The following SLC17A7 variants were observed in gnomAD, a reference collection of about 807,000 sequenced individuals.
SLC17A7 encodes the protein solute carrier family 17 member 7.
In SLC17A7, 15 loss-of-function variants were observed where a neutral mutation model predicts 59.1. That is an observed-to-expected ratio of 0.25 (90% confidence interval 0.17 to 0.39). The LOEUF (loss-of-function observed/expected upper bound fraction) is 0.39. Ranked by LOEUF, SLC17A7 falls within the 10% of genes least tolerant of loss-of-function variation. SLC17A7 has a pLI of 1.00. For missense variants in SLC17A7, 499 were observed against 765.1 expected, an observed-to-expected ratio of 0.65 and a Z score of 4.10; for synonymous variants, 353 against 308.9, an observed-to-expected ratio of 1.14 and a Z score of -1.50.
Position 49,436,931 on chromosome 19 carries a change from A to G in SLC17A7, c.63-130T>C, listed in dbSNP as rs2078982129. 7.4e-7 allele frequency: 1 copy of G among 1,352,076 alleles called. No individual in the cohort carries two copies. The highest frequency in any genetic ancestry group is 9.9e-7 in the Non-Finnish European group (1 of 1,014,398). The allele number at this position is 1,352,076 out of a possible 1,614,324, so 83.8% of individuals were successfully genotyped here. Reference sequence around the variant, plus strand: ...TAAGCCCGCACCTCCTCCTTCACCAAGAGTCCAGGTCCCTGGCTCCCTTCG... The same window carrying G: ...TAAGCCCGCACCTCCTCCTTCACCAGGAGTCCAGGTCCCTGGCTCCCTTCG... On this transcript the variant is annotated intron_variant, in intron 1 of 11. Coordinates refer to ENST00000221485, the MANE Select transcript of SLC17A7 (RefSeq NM_020309.4). This position sits in a 1 kb window ranked among gnomAD's most constrained non-coding sequence, Gnocchi z 4.1.
chr19:49,432,019 G>A (rs1335636747), intron 9 of SLC17A7, among the ~76,000 whole-genome samples: 8 of 152,068 alleles, frequency 5.3e-5, no homozygotes, highest in African/African-American at 1.2e-4. Flanking sequence ...GTGCTGCGGC[G>A]CGATCATAGC....
intron 8 of SLC17A7, 62 bp from the exon 9 acceptor site, chr19:49,432,713 G>A (rs1193272155): frequency 3.7e-6 from 6 of 1,604,756 alleles, no homozygotes; most frequent in African/African-American, 2.7e-5. Context: ...GTCTCTGCCC[G>A]GTCCGTGCAC....
At chr19:49,439,920 C>T (rs2078993768) in intron 1 of SLC17A7, among the ~76,000 whole-genome samples, 2 of 152,102 alleles carry the variant, frequency 1.3e-5, no homozygotes, top group Admixed American at 6.5e-5. Flanking sequence ...CCCCCTCCAC[C>T]AGCACGTCTC....
Position 49,430,117 on chromosome 19 carries a change from G to T in SLC17A7, c.*402C>A. On this transcript the variant is annotated 3_prime_UTR_variant, in exon 12 of 12. Coordinates refer to ENST00000221485, the MANE Select transcript of SLC17A7 (RefSeq NM_020309.4). Reference sequence around the variant, plus strand: ...AGGAGGACCTTGAATTTTTCTGAAAGGAGATGGGAGCTGAGTGATCTCAAA... The same window carrying T: ...AGGAGGACCTTGAATTTTTCTGAAATGAGATGGGAGCTGAGTGATCTCAAA... 1 of 165,648 alleles carries T rather than the reference G, an allele frequency of 6.0e-6. No homozygotes were observed. Among genetic ancestry groups the T allele is most frequent in the East Asian group, 1.7e-4 (1 of 5,758 alleles). The allele number at this position is 165,648 out of a possible 1,614,324, so 10.3% of individuals were successfully genotyped here. A position where few individuals can be genotyped will look rare whatever the true frequency, so the allele number is the denominator to read the frequency against.
At chr19:49,435,078 C>G in intron 3 of SLC17A7, 90 bp downstream of exon 3, 1 of 1,122,634 alleles carries the variant, frequency 8.9e-7, no homozygotes, top group Non-Finnish European at 1.3e-6. Context: ...CTCCCATTTA[C>G]CAGAGCCAGC....
chr19:49,437,048 C>G, intron 1 of SLC17A7: 1 of 587,716 alleles, frequency 1.7e-6, no homozygotes, highest in Non-Finnish European at 3.0e-6. Context: ...TTCAGTCCCC[C>G]TCTCCCAGCT....
Position 49,441,488 on chromosome 19 carries a change from C to CGGCCCCGCA in SLC17A7, c.-118_-110dup. The CGGCCCCGCA allele has an allele frequency of 9.2e-7, 1 of 1,088,680 alleles. No homozygotes were observed. The highest frequency in any genetic ancestry group is 1.1e-6 in the Non-Finnish European group (1 of 899,574). 67.4% of individuals were successfully genotyped at this position (1,088,680 alleles called of 1,614,324 possible). A position where few individuals can be genotyped will look rare whatever the true frequency, so the allele number is the denominator to read the frequency against. ...TCCCGGGGTCCAGCCCCGGCCCGGC[C>CGGCCCCGCA]GGCCCCGCAGCTCCGCTCGGGGGGA... is the stretch of plus-strand genomic sequence containing the variant. On this transcript the variant is annotated 5_prime_UTR_variant, in exon 1 of 12. Transcript: ENST00000221485.
chr19:49,433,894 A>C lies in SLC17A7; in HGVS notation c.725-26T>G, dbSNP rs776836687. The C allele has an allele frequency of 1.9e-6, 3 of 1,612,042 alleles. No individual in the cohort carries two copies. Among genetic ancestry groups the C allele is most frequent in the Non-Finnish European group, 2.5e-6 (3 of 1,178,810 alleles). On this transcript the variant is annotated intron_variant, in intron 6 of 11. Transcript: ENST00000221485. The surrounding 1 kb of genome is among the most constrained non-coding windows in gnomAD (Gnocchi z 5.7). ...CTGGGGGGGTCAGGAGGGGGATGGG[A>C]GCGAGGTGAGGACCGGCCCCGCTCC... is the stretch of plus-strand genomic sequence containing the variant.
At chr19:49,440,953 G>A (rs2078997730) in intron 1 of SLC17A7, among the ~76,000 whole-genome samples, 1 of 151,556 alleles carries the variant, frequency 6.6e-6, no homozygotes, top group Admixed American at 6.6e-5. Context: ...CAGAGAGAAG[G>A]GAGCCGAGAT....
In SLC17A7 at chr19:49,430,010, C is replaced by A; in HGVS notation, c.*509G>T. The A allele has an allele frequency of 6.0e-6, 1 of 166,576 alleles. No individual in the cohort carries two copies. Among genetic ancestry groups the A allele is most frequent in the Non-Finnish European group, 1.3e-5 (1 of 77,628 alleles). The allele number at this position is 166,576 out of a possible 1,614,324, so 10.3% of individuals were successfully genotyped here. On this transcript the variant is annotated 3_prime_UTR_variant, in exon 12 of 12. Coordinates refer to ENST00000221485, the MANE Select transcript of SLC17A7 (RefSeq NM_020309.4). The stretch of plus-strand genomic sequence containing the variant: ...ATCAGAAACGCTGGTGAGAATCAAT[C>A]CCTGGAATGGCGGGGACGAGTAATT...
At chr19:49,437,759 G>A (rs2078985215) in intron 1 of SLC17A7, 3 of 152,004 alleles carry the variant, frequency 2.0e-5, no homozygotes, top group Non-Finnish European at 2.9e-5. Context: ...GAGATACAGG[G>A]GGACAGAGAC....
chr19:49,432,680 G>A lies in SLC17A7; in HGVS notation c.1018-29C>T. 2.5e-6 allele frequency: 4 copies of A among 1,606,332 alleles called. No homozygotes were observed. The South Asian group carries it at 4.4e-5, about 18-fold the overall frequency. On this transcript the variant is annotated intron_variant, in intron 8 of 11. Transcript: ENST00000221485. ...CGGGAACAGGTGTACAGGGACACTA[G>A]GGTTCGGGGCCGCCGGCTCGGCGTC...
Position 49,436,491 on chromosome 19 carries a change from C to T in SLC17A7, c.315+58G>A, listed in dbSNP as rs1161214488. 2 of 1,583,160 alleles carry T rather than the reference C, an allele frequency of 1.3e-6. No homozygotes were observed. Among genetic ancestry groups the T allele is most frequent in the African/African-American group, 1.3e-5 (1 of 74,708 alleles). Reference sequence around the variant, plus strand: ...GTGGGTGAGTGTGACGTCATGGGGGCGTAGGCGGAGCTCGGTGAGCGGGGC... The same window carrying T: ...GTGGGTGAGTGTGACGTCATGGGGGTGTAGGCGGAGCTCGGTGAGCGGGGC... On this transcript the variant is annotated intron_variant, in intron 2 of 11. Coordinates refer to ENST00000221485, the MANE Select transcript of SLC17A7 (RefSeq NM_020309.4). This position sits in a 1 kb window ranked among gnomAD's most constrained non-coding sequence, Gnocchi z 4.1.
chr19:49,435,752 G>A (rs1356878396), intron 2 of SLC17A7: 1 of 156,708 alleles, frequency 6.4e-6, no homozygotes, highest in Non-Finnish European at 1.4e-5. Flanking sequence ...CAGGGGCAAG[G>A]CCTATGCTGA....
chr19:49,430,983 G>A lies in SLC17A7; in HGVS notation c.1389+32C>T, dbSNP rs1413752309. 1.9e-6 allele frequency: 3 copies of A among 1,588,728 alleles called. No homozygotes were observed. The South Asian group carries it at 3.4e-5, about 18-fold the overall frequency. On this transcript the variant is annotated intron_variant, in intron 11 of 11. Transcript: ENST00000221485. ...CAGTTAGGTACGAAGCACACACTTG[G>A]AGGCAGACTGAGTCAGGACTGCGGC...
intron 1 of SLC17A7, 87 bp downstream of exon 1, chr19:49,441,231 C>T (rs1384486177): frequency 3.4e-5 from 52 of 1,546,496 alleles, no homozygotes; most frequent in Non-Finnish European, 3.9e-5. Context: ...GGGTATCGCC[C>T]GTTCATCTGT....
At position 49,431,469 on chromosome 19, in the gene SLC17A7, C is replaced by T. The variant is rs200935592; in HGVS notation, c.1151-21G>A. ...GAAGCCTACGGGGGCGGGGGGGGCC[C>T]GCGTCTCCTGAGTGTCGGCCGGAGC... On this transcript the variant is annotated intron_variant, in intron 9 of 11. Transcript: ENST00000221485. The surrounding 1 kb of genome is among the most constrained non-coding windows in gnomAD (Gnocchi z 4.6). 6.2e-7 allele frequency: 1 copy of T among 1,604,270 alleles called. No homozygotes were observed. Among genetic ancestry groups the T allele is most frequent in the Non-Finnish European group, 8.5e-7 (1 of 1,172,620 alleles).
chr19:49,433,100 G>T lies in SLC17A7; in HGVS notation c.868-140C>A. On this transcript the variant is annotated intron_variant, in intron 7 of 11. Transcript: ENST00000221485. This position sits in a 1 kb window ranked among gnomAD's most constrained non-coding sequence, Gnocchi z 5.7. ...AAACTTCTATGGACCCAAAGGCGCG[G>T]GCTACACCATGTTGCCGTGGGGACC... 1 of 889,058 alleles carries T rather than the reference G, an allele frequency of 1.1e-6. No homozygotes were observed. Among genetic ancestry groups the T allele is most frequent in the South Asian group, 1.7e-5 (1 of 57,442 alleles). The allele number at this position is 889,058 out of a possible 1,614,324, so 55.1% of individuals were successfully genotyped here. A position where few individuals can be genotyped will look rare whatever the true frequency, so the allele number is the denominator to read the frequency against.
At chr19:49,434,432 C>A (rs1463233620) in intron 5 of SLC17A7, among the ~76,000 whole-genome samples, 170 bp downstream of exon 5, 1 of 150,412 alleles carries the variant, frequency 6.6e-6, no homozygotes, top group East Asian at 2.0e-4. Context: ...CCCAGGAGTC[C>A]AGCCCCAGCC....
Sources: allele counts gnomAD v4.1 joint callset (sites outside exome capture counted in the v4.1 genomes callset), GRCh38; gene constraint gnomAD v4.1.1; non-coding constraint Gnocchi (gnomAD v3.1); transcripts MANE v1.5; gene names NCBI Gene and HGNC (gene_info 2026-07-23, HGNC 2026-07-21).